UBE3D: variants seen among roughly 807,000 people sequenced by gnomAD.
UBE3D encodes the protein E3 ubiquitin-protein ligase E3D.
A neutral mutation model predicts 49.6 loss-of-function variants in UBE3D; 48 were observed. That is an observed-to-expected ratio of 0.97 (90% confidence interval 0.77 to 1.23). The LOEUF is 1.23. UBE3D is among the 50% of genes most tolerant of loss of function. The pLI, the probability that UBE3D is intolerant of heterozygous loss-of-function variation, is 0.00. For missense variants in UBE3D, 452 were observed against 468.4 expected (o/e 0.96, Z 0.32); for synonymous variants, 189 against 174.2 (o/e 1.08, Z -0.67).
rs1266667287 is a variant in UBE3D, at chr6:83,005,607, G to A, written c.1010+13366C>T. Among the ~76,000 whole-genome samples, 5 of 150,866 alleles carry A rather than the reference G, an allele frequency of 3.3e-5. No individual in the cohort carries two copies. In the East Asian group the frequency reaches 9.8e-4, roughly 30 times the overall value. On this transcript the variant is annotated intron_variant, in intron 8 of 9. Transcript: ENST00000369747. ...AGACCAGCCTGGGCAACATAGTAAG[G>A]TGCGGTCTCTATTTTTTTTTTTAAT...
chr6:82,988,764 A>G (rs1277062321), intron 8 of UBE3D, among the ~76,000 whole-genome samples: 1 of 152,176 alleles, frequency 6.6e-6, no homozygotes, highest in Non-Finnish European at 1.5e-5. Flanking sequence ...AAGTTGAGAA[A>G]TATCTTAGAT....
chr6:83,008,853 C>T (rs1780159984), intron 8 of UBE3D, among the ~76,000 whole-genome samples: 1 of 152,146 alleles, frequency 6.6e-6, no homozygotes, highest in South Asian at 2.1e-4. Flanking sequence ...TCTCTTCCTA[C>T]CTCGGGGGCA....
chr6:83,037,287 C>CA, intron 5 of UBE3D: 1 of 152,264 alleles, frequency 6.6e-6, no homozygotes, highest in Non-Finnish European at 1.5e-5. Context: ...AAGTGTGTTC[C>CA]AAAAAAGTTT....
chr6:82,957,535 G>A, intron 8 of UBE3D, 85 bp from the exon 9 acceptor site: 1 of 1,463,550 alleles, frequency 6.8e-7, no homozygotes, highest in Non-Finnish European at 9.2e-7. Context: ...AAACTCAATT[G>A]TGAGAGAAAA....
chr6:83,063,405 C>T (rs1582784694), intron 1 of UBE3D, among the ~76,000 whole-genome samples: 1 of 111,680 alleles, frequency 9.0e-6, no homozygotes, highest in African/African-American at 3.7e-5. Context: ...TAGAGCAAGA[C>T]GCTGTCTAAA....
chr6:82,893,210 CAATT>C (rs1237218370), intron 9 of UBE3D, among the ~76,000 whole-genome samples, 168 bp from the exon 10 acceptor site: 1 of 151,840 alleles, frequency 6.6e-6, no homozygotes, highest in African/African-American at 2.4e-5. Flanking sequence ...CAGCAGGAGC[CAATT>C]AGTCTTTTTT....
At chr6:82,954,303 A>G (rs1776008436) in intron 9 of UBE3D, among the ~76,000 whole-genome samples, 1 of 152,218 alleles carries the variant, frequency 6.6e-6, no homozygotes, top group Admixed American at 6.5e-5. Context: ...TTGTTGGCTT[A>G]TAATTGCATT....
intron 3 of UBE3D, among the ~76,000 whole-genome samples, chr6:83,046,985 C>T (rs1783102229): frequency 6.6e-6 from 1 of 152,142 alleles, no homozygotes; most frequent in South Asian, 2.1e-4. Context: ...AAGGTAGATG[C>T]CATATATGTT....
intron 5 of UBE3D, chr6:83,038,065 A>G (rs1007652725): frequency 6.4e-6 from 1 of 155,240 alleles, no homozygotes; most frequent in African/African-American, 2.4e-5. Flanking sequence ...AAAAAAAAAA[A>G]AAAGAAGAAG....
At chr6:83,010,999 C>A (rs1017622899) in intron 8 of UBE3D, among the ~76,000 whole-genome samples, 6 of 152,044 alleles carry the variant, frequency 3.9e-5, no homozygotes, top group Admixed American at 2.0e-4. Context: ...CAACTTGAAC[C>A]CATACACATC....
At chr6:83,054,327 C>A in intron 2 of UBE3D, 89 bp from the exon 3 acceptor site, 1 of 942,590 alleles carries the variant, frequency 1.1e-6, no homozygotes, top group East Asian at 2.6e-5. Context: ...GATAAATTAC[C>A]ATCCATAAAC....
At chr6:83,005,236 G>A (rs1014523590) in intron 8 of UBE3D, among the ~76,000 whole-genome samples, 1 of 151,646 alleles carries the variant, frequency 6.6e-6, no homozygotes, top group Non-Finnish European at 1.5e-5. Context: ...AAGGATACTC[G>A]ATATCACTAA....
At chr6:83,052,021 G>GGAT (rs1216263925) in intron 3 of UBE3D, among the ~76,000 whole-genome samples, 3 of 152,154 alleles carry the variant, frequency 2.0e-5, no homozygotes, top group Admixed American at 6.5e-5. Flanking sequence ...ATGCTGAGGA[G>GGAT]GATGATGATG....
chr6:82,941,552 A>G (rs1775014164), intron 9 of UBE3D, among the ~76,000 whole-genome samples: 1 of 151,978 alleles, frequency 6.6e-6, no homozygotes, highest in Non-Finnish European at 1.5e-5. Flanking sequence ...AGGAGCCCCT[A>G]TAAGTTATTA....
chr6:83,001,899 T>A (rs1779660980), intron 8 of UBE3D, among the ~76,000 whole-genome samples: 1 of 152,180 alleles, frequency 6.6e-6, no homozygotes, highest in Non-Finnish European at 1.5e-5. Flanking sequence ...TCACAGAGAT[T>A]CTTAAATATC....
Position 83,065,780 on chromosome 6 carries a change from A to C in UBE3D, c.-62T>G. The C allele has an allele frequency of 6.6e-7, 1 of 1,517,220 alleles. No individual in the cohort carries two copies. The allele number at this position is 1,517,220 out of a possible 1,614,324, so 94.0% of individuals were successfully genotyped here. The stretch of plus-strand genomic sequence containing the variant: ...GTTCCGAGGGGCCCGGGTCAACAGG[A>C]CCAGGAGAGGTTCCACGTGCGGACC... On this transcript the variant is annotated 5_prime_UTR_variant, in exon 1 of 10. Transcript: ENST00000369747.
intron 8 of UBE3D, among the ~76,000 whole-genome samples, chr6:82,986,292 G>A (rs1350652968): frequency 1.3e-5 from 2 of 151,736 alleles, no homozygotes; most frequent in African/African-American, 4.8e-5. Flanking sequence ...CCAACATGGT[G>A]AAACTTCATC....
chr6:82,927,140 GT>G (rs1380114320), intron 9 of UBE3D, among the ~76,000 whole-genome samples: 2 of 151,400 alleles, frequency 1.3e-5, no homozygotes, highest in Admixed American at 1.3e-4. Context: ...TTGCTTCTCT[GT>G]CAAAGATCAG....
At chr6:82,953,660 C>G (rs1775957609) in intron 9 of UBE3D, among the ~76,000 whole-genome samples, 2 of 152,242 alleles carry the variant, frequency 1.3e-5, no homozygotes, top group Admixed American at 1.3e-4. Flanking sequence ...TTATTAACTT[C>G]TTCCTACATC....
Sources: allele counts gnomAD v4.1 joint callset (sites outside exome capture counted in the v4.1 genomes callset), GRCh38; gene constraint gnomAD v4.1.1; transcripts MANE v1.5; gene names NCBI Gene and HGNC (gene_info 2026-07-23, HGNC 2026-07-21).